The following GDA variants were observed in gnomAD, a reference collection of about 807,000 sequenced individuals.
The protein encoded by GDA is cytoplasmic PSD-95 interactor.
GDA carries 18 observed loss-of-function variants against 59.6 expected under a neutral mutation model. The ratio of observed to expected loss-of-function variants is 0.30; its 90% CI spans 0.21 to 0.45. The LOEUF is 0.45. GDA is among the 20% of genes least tolerant of loss of function. GDA has a pLI of 1.00. For synonymous variants in GDA, 201 were observed against 201.1 expected (o/e 1.00, Z 0.00); for missense variants, 427 against 552.3 (o/e 0.77, Z 2.27).
intron 12 of GDA, among the ~76,000 whole-genome samples, chr9:72,247,140 T>G (rs566638814): frequency 9.2e-5 from 14 of 152,360 alleles, no homozygotes; most frequent in African/African-American, 2.2e-4. Context: ...TTAATTTATA[T>G]AATACCTTTT....
chr9:72,248,210 G>T, intron 13 of GDA, 62 bp from the exon 14 acceptor site: 2 of 1,132,248 alleles, frequency 1.8e-6, no homozygotes, highest in Non-Finnish European at 2.7e-6. Context: ...TCTCCCAATG[G>T]CAAGGAAGAT....
At chr9:72,142,528 G>A (rs565144199) in intron 1 of GDA, among the ~76,000 whole-genome samples, 7 of 151,038 alleles carry the variant, frequency 4.6e-5, no homozygotes, top group African/African-American at 9.7e-5. Context: ...AGCCGAGATC[G>A]TGCCACTGAA....
intron 11 of GDA, among the ~76,000 whole-genome samples, chr9:72,243,303 C>A (rs1839821234): frequency 6.6e-6 from 1 of 152,118 alleles, no homozygotes; most frequent in Non-Finnish European, 1.5e-5. Context: ...AGAATTGTGT[C>A]TTTTTTGGTT....
At chr9:72,236,774 C>CTTT (rs1564168629) in intron 10 of GDA, among the ~76,000 whole-genome samples, 3 of 127,592 alleles carry the variant, frequency 2.4e-5, no homozygotes, top group Non-Finnish European at 3.3e-5. Flanking sequence ...AAAACCACTC[C>CTTT]TATTTTTTTT....
intron 1 of GDA, among the ~76,000 whole-genome samples, chr9:72,152,084 C>T (rs555603064): frequency 6.6e-5 from 10 of 152,216 alleles, no homozygotes; most frequent in East Asian, 3.9e-4. Flanking sequence ...GAGATTCAGA[C>T]GCAGGTAGCG....
intron 3 of GDA, among the ~76,000 whole-genome samples, chr9:72,206,417 G>A (rs1318249080): frequency 6.6e-6 from 1 of 151,464 alleles, no homozygotes; most frequent in Non-Finnish European, 1.5e-5. Context: ...TAACTTTTAA[G>A]TTTAATTTAA....
chr9:72,153,842 T>G (rs906032577), intron 1 of GDA, among the ~76,000 whole-genome samples: 9 of 141,842 alleles, frequency 6.3e-5, no homozygotes, highest in African/African-American at 2.4e-4. Context: ...AGGGATAGCA[T>G]TAGGAGATAT....
chr9:72,129,124 C>T (rs565859197), intron 1 of GDA, among the ~76,000 whole-genome samples: 12 of 152,114 alleles, frequency 7.9e-5, no homozygotes, highest in Admixed American at 2.0e-4. Flanking sequence ...CACCACATCC[C>T]GCTAATTTTT....
Position 72,241,154 on chromosome 9 carries a change from G to C in GDA, c.991G>C (p.Val331Leu). 3 of 1,589,976 alleles carry C rather than the reference G, an allele frequency of 1.9e-6. No homozygotes were observed. The highest frequency in any genetic ancestry group is 2.6e-6 in the Non-Finnish European group (3 of 1,161,578). ...HEVKIGLGTD[V>L]AGGYSYSMLD... ...TGGTTTTATTTTACCTACTGCAGACGTGGCTGGTGGCTATTCATATTCCAT... is the reference window on the plus strand; with the variant it reads ...TGGTTTTATTTTACCTACTGCAGACCTGGCTGGTGGCTATTCATATTCCAT... The change falls in exon 11 of 14, where the codon GTG (valine) becomes CTG (leucine). Residue 331 changes from valine (V) to leucine (L), a missense_variant and splice_region_variant. By Grantham distance (32) the Val-to-Leu change is conservative (BLOSUM62 1). Transcript: ENST00000358399.
At chr9:72,130,304 G>A (rs948502810) in intron 1 of GDA, among the ~76,000 whole-genome samples, 1 of 152,190 alleles carries the variant, frequency 6.6e-6, no homozygotes, top group African/African-American at 2.4e-5. Flanking sequence ...GCTTATTTAT[G>A]TAGTTAAGAG....
intron 1 of GDA, among the ~76,000 whole-genome samples, chr9:72,169,893 T>C (rs958580161): frequency 1.6e-4 from 25 of 152,194 alleles, no homozygotes; most frequent in African/African-American, 5.5e-4. Context: ...AATTGCACCA[T>C]ATATGACAGA....
chr9:72,217,469 G>T (rs574919249), intron 5 of GDA, among the ~76,000 whole-genome samples: 15 of 152,338 alleles, frequency 9.8e-5, no homozygotes, highest in African/African-American at 3.6e-4. Context: ...TCGAATTAAA[G>T]TTGAAAGATG....
chr9:72,241,372 AT>A, intron 11 of GDA, 74 bp downstream of exon 11: 2 of 1,124,798 alleles, frequency 1.8e-6, no homozygotes, highest in Non-Finnish European at 2.5e-6. Context: ...TAGTATGAAG[AT>A]GCATGATTGG....
At chr9:72,181,064 A>T (rs955293506) in intron 1 of GDA, among the ~76,000 whole-genome samples, 1 of 152,196 alleles carries the variant, frequency 6.6e-6, no homozygotes, top group African/African-American at 2.4e-5. Context: ...TAAAAATAGC[A>T]TTTATTGTGA....
intron 1 of GDA, among the ~76,000 whole-genome samples, chr9:72,131,595 G>A (rs1826028192): frequency 6.6e-6 from 1 of 151,980 alleles, no homozygotes. Context: ...CTCTGAGCCT[G>A]CACAAATGGC....
chr9:72,201,735 G>T (rs1261414694), intron 2 of GDA, among the ~76,000 whole-genome samples: 1 of 152,184 alleles, frequency 6.6e-6, no homozygotes, highest in African/African-American at 2.4e-5. Context: ...GTGGTGAACT[G>T]CATTAGCTCT....
In GDA at chr9:72,249,383, A is replaced by C. The variant is rs901439020; in HGVS notation, c.*1041A>C. ...TAAAATGAAGGACAAATCCTGTTAA[A>C]GAAATATTGTTAAAAATCTTTAAAC... On this transcript the variant is annotated 3_prime_UTR_variant, in exon 14 of 14. Coordinates refer to ENST00000358399, the MANE Select transcript of GDA (RefSeq NM_004293.5). 2 of 967,324 alleles carry C rather than the reference A, an allele frequency of 2.1e-6. No homozygotes were observed. The highest frequency in any genetic ancestry group is 1.8e-5 in the African/African-American group (1 of 56,984). The allele number at this position is 967,324 out of a possible 1,614,324, so 59.9% of individuals were successfully genotyped here. A position where few individuals can be genotyped will look rare whatever the true frequency, so the allele number is the denominator to read the frequency against.
At chr9:72,136,488 A>G (rs1022183757) in intron 1 of GDA, among the ~76,000 whole-genome samples, 1 of 152,238 alleles carries the variant, frequency 6.6e-6, no homozygotes, top group Non-Finnish European at 1.5e-5. Context: ...ACACTGTACT[A>G]TTCTTCTAAA....
chr9:72,139,595 G>C (rs992468882), intron 1 of GDA, among the ~76,000 whole-genome samples: 1 of 152,078 alleles, frequency 6.6e-6, no homozygotes, highest in African/African-American at 2.4e-5. Flanking sequence ...TGAGGCAGGA[G>C]GATCACTTGA....
Sources: allele counts gnomAD v4.1 joint callset (sites outside exome capture counted in the v4.1 genomes callset), GRCh38; gene constraint gnomAD v4.1.1; transcripts MANE v1.5; gene names NCBI Gene and HGNC (gene_info 2026-07-23, HGNC 2026-07-21).